The following MARCHF3 variants were observed in gnomAD, a reference collection of about 807,000 sequenced individuals.
MARCHF3 encodes the protein membrane associated ring-CH-type finger 3.
In MARCHF3, 13 loss-of-function variants were observed where a neutral mutation model predicts 24.2. That is an observed-to-expected ratio of 0.54 (90% CI 0.35 to 0.85). The LOEUF (loss-of-function observed/expected upper bound fraction) is 0.85, where lower values mean the gene tolerates loss of function less well. MARCHF3 is among the 40% of genes least tolerant of loss of function. MARCHF3 has a pLI of 0.01. For synonymous variants in MARCHF3, 144 were observed against 137.3 expected (o/e 1.05, Z -0.34); for missense variants, 276 against 325.0 (o/e 0.85, Z 1.16).
intron 1 of MARCHF3, among the ~76,000 whole-genome samples, 193 bp from the exon 2 acceptor site, chr5:126,918,420 C>A (rs1272588976): frequency 6.6e-6 from 1 of 152,002 alleles, no homozygotes; most frequent in African/African-American, 2.4e-5. Flanking sequence ...CAAGAAACAG[C>A]AGATATGGTA....
chr5:126,889,144 C>A (rs1753592901), intron 3 of MARCHF3, among the ~76,000 whole-genome samples: 1 of 152,110 alleles, frequency 6.6e-6, no homozygotes, highest in East Asian at 1.9e-4. Flanking sequence ...GGCCCCCAGA[C>A]TGGAAGGTTA....
At chr5:126,978,476 A>G (rs1269959657) in intron 1 of MARCHF3, among the ~76,000 whole-genome samples, 1 of 152,206 alleles carries the variant, frequency 6.6e-6, no homozygotes, top group African/African-American at 2.4e-5. Flanking sequence ...TTCTTTTCAT[A>G]CCTAGATAAC....
intron 3 of MARCHF3, among the ~76,000 whole-genome samples, chr5:126,900,422 T>C (rs906827749): frequency 1.3e-4 from 19 of 151,940 alleles, no homozygotes; most frequent in Admixed American, 1.3e-4. Flanking sequence ...ATTTGTGCCC[T>C]TACAAAAGAG....
intron 1 of MARCHF3, among the ~76,000 whole-genome samples, chr5:126,990,925 T>C (rs572817925): frequency 3.3e-5 from 5 of 152,214 alleles, no homozygotes; most frequent in South Asian, 2.1e-4. Flanking sequence ...TGTGGAGAAA[T>C]AGGAACACTT....
intron 4 of MARCHF3, among the ~76,000 whole-genome samples, chr5:126,877,915 C>T (rs1365850886): frequency 6.6e-6 from 1 of 152,154 alleles, no homozygotes; most frequent in African/African-American, 2.4e-5. Context: ...AGGAGAGAAA[C>T]GTCCATGGTG....
chr5:126,878,478 C>T, intron 3 of MARCHF3, 84 bp from the exon 4 acceptor site: 3 of 1,376,318 alleles, frequency 2.2e-6, no homozygotes, highest in Non-Finnish European at 3.0e-6. Context: ...CTGAAGTTAT[C>T]TTTGCCTTCA....
intron 3 of MARCHF3, among the ~76,000 whole-genome samples, chr5:126,911,364 G>C (rs1445951353): frequency 6.6e-6 from 1 of 152,048 alleles, no homozygotes; most frequent in African/African-American, 2.4e-5. Flanking sequence ...GACATGTGAT[G>C]TCTCCCCCAG....
At chr5:126,933,729 C>T (rs999282447) in intron 1 of MARCHF3, among the ~76,000 whole-genome samples, 2 of 152,190 alleles carry the variant, frequency 1.3e-5, no homozygotes, top group African/African-American at 2.4e-5. Context: ...CAGGCATGAG[C>T]CACTGCACCC....
chr5:127,000,761 C>T (rs2126850184), intron 1 of MARCHF3, among the ~76,000 whole-genome samples: 1 of 151,974 alleles, frequency 6.6e-6, no homozygotes, highest in East Asian at 2.0e-4. Context: ...TGCAGTGGCG[C>T]TATCTCGGCT....
At chr5:126,889,318 G>A (rs931358044) in intron 3 of MARCHF3, among the ~76,000 whole-genome samples, 4 of 151,998 alleles carry the variant, frequency 2.6e-5, no homozygotes, top group Admixed American at 6.6e-5. Context: ...ATGAGAATAC[G>A]ATAAATAACA....
chr5:127,017,668 G>A (rs1752675329), intron 1 of MARCHF3, among the ~76,000 whole-genome samples: 1 of 152,078 alleles, frequency 6.6e-6, no homozygotes, highest in Non-Finnish European at 1.5e-5. Flanking sequence ...ATGGTTGTAT[G>A]GGTACCATCA....
intron 2 of MARCHF3, 82 bp downstream of exon 2, chr5:126,917,902 T>C (rs911380513): frequency 2.1e-6 from 3 of 1,435,160 alleles, no homozygotes; most frequent in Non-Finnish European, 2.9e-6. Flanking sequence ...TGAGCACTAA[T>C]TACATTCCCA....
chr5:126,944,056 C>T (rs1349306948), intron 1 of MARCHF3, among the ~76,000 whole-genome samples: 2 of 151,976 alleles, frequency 1.3e-5, no homozygotes, highest in African/African-American at 2.4e-5. Context: ...ATGATCCACC[C>T]ACCCTGGCCT....
chr5:126,896,653 G>A lies in MARCHF3; in HGVS notation c.394-18259C>T, dbSNP rs534111377. On this transcript the variant is annotated intron_variant, in intron 3 of 4. Coordinates refer to ENST00000308660, the MANE Select transcript of MARCHF3 (RefSeq NM_178450.5). The stretch of plus-strand genomic sequence containing the variant: ...TTAAGACTAACAAATCATATCTACT[G>A]TCGTGGAACCCACAGAAGTATACTA... Among the ~76,000 whole-genome samples, 35 of 152,184 alleles carry A rather than the reference G, an allele frequency of 2.3e-4. 1 individual carries two copies. The South Asian group carries it at 7.3e-3, about 32-fold the overall frequency.
At chr5:126,888,452 C>A (rs781718460) in intron 3 of MARCHF3, among the ~76,000 whole-genome samples, 104 of 152,180 alleles carry the variant, frequency 6.8e-4, no homozygotes, top group Non-Finnish European at 1.2e-3. Flanking sequence ...AGATCAGTGG[C>A]ACAACAGGAT....
chr5:126,999,167 C>T (rs1424996629), intron 1 of MARCHF3, among the ~76,000 whole-genome samples: 1 of 152,182 alleles, frequency 6.6e-6, no homozygotes, highest in Non-Finnish European at 1.5e-5. Context: ...CTGCAGGGCT[C>T]AGTTGGGGCA....
At chr5:126,988,498 C>T (rs1394381079) in intron 1 of MARCHF3, among the ~76,000 whole-genome samples, 7 of 152,132 alleles carry the variant, frequency 4.6e-5, no homozygotes, top group Non-Finnish European at 8.8e-5. Context: ...ACAATTCAGA[C>T]CACATAAGAG....
chr5:126,933,279 G>C (rs983339859), intron 1 of MARCHF3, among the ~76,000 whole-genome samples: 3 of 152,114 alleles, frequency 2.0e-5, no homozygotes, highest in Non-Finnish European at 4.4e-5. Context: ...TACAACCAAA[G>C]CTAATCCATG....
At chr5:126,893,268 G>A (rs1305358770) in intron 3 of MARCHF3, among the ~76,000 whole-genome samples, 4 of 151,556 alleles carry the variant, frequency 2.6e-5, no homozygotes, top group African/African-American at 9.7e-5. Flanking sequence ...TTTTTGAAGG[G>A]TTTTTTGTGT....
Sources: gnomAD v4.1 joint callset for allele counts (sites outside exome capture counted in the v4.1 genomes callset) on GRCh38, gnomAD v4.1.1 for gene constraint, MANE v1.5 for transcripts, NCBI Gene and HGNC (gene_info 2026-07-23, HGNC 2026-07-21) for gene names.